Variants in DNAH12 observed in about 807,000 individuals in gnomAD.
DNAH12 encodes axonemal beta dynein heavy chain 12.
In DNAH12, 285 loss-of-function variants were observed where a neutral mutation model predicts 371.5. The observed-to-expected ratio is 0.77, with a 90% CI of 0.70 to 0.85. The LOEUF (loss-of-function observed/expected upper bound fraction) is 0.85, where lower values mean the gene tolerates loss of function less well. Ranked by LOEUF, DNAH12 falls within the 40% of genes least tolerant of loss-of-function variation. The pLI is 0.00. For synonymous variants in DNAH12, 1,200 were observed against 1,213.0 expected (o/e 0.99, Z 0.22); for missense variants, 3,611 against 3,689.4 (o/e 0.98, Z 0.55).
intron 25 of DNAH12, among the ~76,000 whole-genome samples, chr3:57,448,491 G>A (rs947879955): frequency 1.3e-5 from 2 of 152,150 alleles, no homozygotes; most frequent in African/African-American, 4.8e-5. Flanking sequence ...GCTGGCTTCA[G>A]GAGTGAAGCT....
chr3:57,461,721 G>A, intron 18 of DNAH12, 32 bp from the exon 19 acceptor site: 5 of 1,505,722 alleles, frequency 3.3e-6, no homozygotes, highest in East Asian at 2.5e-5. Flanking sequence ...AGAACGGGAT[G>A]GTGAAGAAAG....
intron 11 of DNAH12, among the ~76,000 whole-genome samples, chr3:57,491,145 T>C (rs2067112417): frequency 7.3e-6 from 1 of 137,008 alleles, no homozygotes; most frequent in African/African-American, 2.7e-5. Context: ...TGAAAAAAGA[T>C]GAATATGGAT....
At chr3:57,427,138 A>ATGTGGTGTGTG (rs564544771) in intron 34 of DNAH12, among the ~76,000 whole-genome samples, 18 of 138,872 alleles carry the variant, frequency 1.3e-4, no homozygotes, top group African/African-American at 4.7e-4. Flanking sequence ...TAAGAAGCGA[A>ATGTGGTGTGTG]TGTGTGTGTG....
At chr3:57,334,705 C>A in intron 61 of DNAH12, 77 bp downstream of exon 61, 1 of 1,503,788 alleles carries the variant, frequency 6.6e-7, no homozygotes, top group Non-Finnish European at 8.9e-7. Context: ...TATTTAAAAC[C>A]ATTTAAAAAT....
chr3:57,468,108 A>C (rs1160669703), intron 17 of DNAH12, among the ~76,000 whole-genome samples: 1 of 152,148 alleles, frequency 6.6e-6, no homozygotes, highest in African/African-American at 2.4e-5. Flanking sequence ...AGCTTGACCA[A>C]GAGGCTGAGG....
chr3:57,446,689 T>A lies in DNAH12; in HGVS notation c.3787A>T (p.Ile1263Leu). Residue 1263 changes from isoleucine (I) to leucine (L), a missense_variant and splice_region_variant, in exon 26 of 74, where the codon ATA becomes TTA. This residue lies in a region of DNAH12 where 2,266 missense variants were observed against 2,236.9 expected (regional missense o/e 1.01). Transcript: ENST00000495027. ...CCAAGGTTTAAATAGAAAGCACCTA[T>A]CTGAAATGAAAAACACATGTGAAAA... ...PLTDRCYRTL[I>L]GAFYLNLGGA... 1 of 1,488,144 alleles carries A rather than the reference T, an allele frequency of 6.7e-7. No homozygotes were observed. Among genetic ancestry groups the A allele is most frequent in the Non-Finnish European group, 9.0e-7 (1 of 1,116,430 alleles). The allele number at this position is 1,488,144 out of a possible 1,614,324, so 92.2% of individuals were successfully genotyped here.
At chr3:57,446,990 GTGGTTGTGGAGA>G (rs764860785) in intron 25 of DNAH12, among the ~76,000 whole-genome samples, 6 of 152,190 alleles carry the variant, frequency 3.9e-5, no homozygotes, top group East Asian at 1.9e-4. Flanking sequence ...TTAATTAGAA[GTGGTTGTGGAGA>G]TGGTTGTGGA....
intron 2 of DNAH12, among the ~76,000 whole-genome samples, chr3:57,532,799 C>T (rs1238451586): frequency 6.6e-6 from 1 of 152,184 alleles, no homozygotes; most frequent in Non-Finnish European, 1.5e-5. Flanking sequence ...CAGCATAGCA[C>T]TGGGTCTTGC....
chr3:57,524,997 GCTAGATATA>G (rs2068584709), intron 2 of DNAH12, among the ~76,000 whole-genome samples: 1 of 152,020 alleles, frequency 6.6e-6, no homozygotes, highest in Non-Finnish European at 1.5e-5. Flanking sequence ...AGTCTATAAT[GCTAGATATA>G]CTAGAAGAGA....
intron 20 of DNAH12, 109 bp from the exon 21 acceptor site, chr3:57,458,329 GA>G (rs959152088): frequency 1.4e-5 from 18 of 1,281,610 alleles, no homozygotes; most frequent in South Asian, 2.5e-5. Flanking sequence ...AAAGGTTTAT[GA>G]AAAAATGTCA....
At chr3:57,422,100 G>C (rs2153361517) in intron 35 of DNAH12, among the ~76,000 whole-genome samples, 1 of 151,652 alleles carries the variant, frequency 6.6e-6, no homozygotes, top group African/African-American at 2.4e-5. Context: ...TTTAAGTAGA[G>C]ACAGGGTTTT....
At chr3:57,425,676 A>G (rs1051826042) in intron 34 of DNAH12, among the ~76,000 whole-genome samples, 115 of 152,226 alleles carry the variant, frequency 7.6e-4, no homozygotes, top group African/African-American at 2.8e-3. Flanking sequence ...ATACATAACA[A>G]TTGTACAATC....
chr3:57,451,823 G>T (rs2065766739), intron 25 of DNAH12, among the ~76,000 whole-genome samples: 1 of 152,206 alleles, frequency 6.6e-6, no homozygotes, highest in East Asian at 1.9e-4. Context: ...AGGGATGGGC[G>T]TGCTCCTAAC....
At chr3:57,338,753 G>A (rs1553654971) in intron 60 of DNAH12, among the ~76,000 whole-genome samples, 2 of 151,522 alleles carry the variant, frequency 1.3e-5, no homozygotes, top group African/African-American at 2.4e-5. Flanking sequence ...CCATTGTCTG[G>A]GATGTGAGGA....
intron 37 of DNAH12, among the ~76,000 whole-genome samples, chr3:57,417,217 T>C (rs1036007231): frequency 8.2e-6 from 1 of 121,676 alleles, no homozygotes; most frequent in Middle Eastern, 3.8e-3. Context: ...GCCATTGCAC[T>C]CCAGCCTAGG....
chr3:57,442,156 G>T (rs112891296), intron 29 of DNAH12, among the ~76,000 whole-genome samples: 9 of 152,108 alleles, frequency 5.9e-5, no homozygotes, highest in African/African-American at 2.2e-4. Flanking sequence ...GAGGGAATTT[G>T]TTGCCAGAAG....
chr3:57,449,700 G>A (rs1002394385), intron 25 of DNAH12, among the ~76,000 whole-genome samples: 1 of 152,168 alleles, frequency 6.6e-6, no homozygotes. Context: ...AGCGCCGCAC[G>A]CAGCCTTGGT....
chr3:57,363,926 T>C (rs1216445583), intron 57 of DNAH12, 140 bp from the exon 58 acceptor site: 2 of 152,206 alleles, frequency 1.3e-5, no homozygotes, highest in Admixed American at 1.3e-4. Flanking sequence ...CTTTCACACA[T>C]ATAACTATTT....
intron 45 of DNAH12, among the ~76,000 whole-genome samples, chr3:57,390,424 A>AAAAAAAATATATATATATAT: frequency 3.0e-5 from 1 of 33,434 alleles, no homozygotes; most frequent in Non-Finnish European, 7.0e-5. Context: ...AAAAAAAAAA[A>AAAAAAAATATATATATATAT]ATATATATAT....
Sources: allele counts gnomAD v4.1 joint callset (sites outside exome capture counted in the v4.1 genomes callset), GRCh38; gene constraint gnomAD v4.1.1; regional missense constraint gnomAD v4.1.1; transcripts MANE v1.5; gene names NCBI Gene and HGNC (gene_info 2026-07-23, HGNC 2026-07-21).